The following ZFHX3 variants were observed in gnomAD, a reference collection of about 807,000 sequenced individuals.
ZFHX3 encodes zinc finger homeobox protein 3.
Under a neutral mutation model 279.1 loss-of-function variants are expected in ZFHX3, and 42 were observed. That is an observed-to-expected ratio of 0.15 (90% CI 0.12 to 0.19). ZFHX3 has a LOEUF of 0.19. ZFHX3 is among the 10% of genes least tolerant of loss of function. The probability of loss-of-function intolerance (pLI) is 1.00; values close to 1 mark genes in which losing one functional copy is unlikely to be tolerated. For synonymous variants in ZFHX3, 2,293 were observed against 1,957.8 expected (o/e 1.17, Z -4.52); for missense variants, 4,981 against 4,754.0 (o/e 1.05, Z -1.40).
At chr16:73,819,491 T>C (rs1324100737) in intron 1 of ZFHX3, among the ~76,000 whole-genome samples, 1 of 151,828 alleles carries the variant, frequency 6.6e-6, no homozygotes, top group Admixed American at 6.6e-5. Context: ...CACCAGAAAA[T>C]CTTCCTTGGC....
At chr16:73,750,193 C>T (rs2053749194) in intron 1 of ZFHX3, among the ~76,000 whole-genome samples, 1 of 152,156 alleles carries the variant, frequency 6.6e-6, no homozygotes, top group African/African-American at 2.4e-5. Context: ...TTGCAGAGTC[C>T]TTCCATAAAG....
intron 1 of ZFHX3, among the ~76,000 whole-genome samples, chr16:73,887,943 T>C (rs1322724288): frequency 1.3e-5 from 2 of 152,146 alleles, no homozygotes; most frequent in Non-Finnish European, 2.9e-5. Flanking sequence ...TCATCTTAGG[T>C]TGGACTATTT....
At chr16:73,792,751 G>A (rs1397921096) in intron 1 of ZFHX3, among the ~76,000 whole-genome samples, 3 of 152,138 alleles carry the variant, frequency 2.0e-5, no homozygotes, top group Non-Finnish European at 4.4e-5. Flanking sequence ...AAAGGCTGGC[G>A]GCTCAAGGGT....
At chr16:73,689,394 C>T (rs2053123772) in intron 1 of ZFHX3, among the ~76,000 whole-genome samples, 1 of 152,156 alleles carries the variant, frequency 6.6e-6, no homozygotes, top group South Asian at 2.1e-4. Flanking sequence ...TTGCATCATG[C>T]CTGAGCTATG....
chr16:73,572,779 A>G (rs537474566), intron 2 of ZFHX3, among the ~76,000 whole-genome samples: 3 of 152,152 alleles, frequency 2.0e-5, no homozygotes, highest in South Asian at 4.1e-4. Context: ...CAAAAATAAA[A>G]TCATCTCCCA....
At chr16:73,408,620 C>T (rs567718759) in intron 3 of ZFHX3, among the ~76,000 whole-genome samples, 13 of 152,238 alleles carry the variant, frequency 8.5e-5, no homozygotes, top group East Asian at 7.7e-4. Flanking sequence ...ACGAGCAGAG[C>T]GGGGCTTTGG....
At chr16:73,371,527 G>A (rs1208885872) in intron 3 of ZFHX3, among the ~76,000 whole-genome samples, 1 of 151,774 alleles carries the variant, frequency 6.6e-6, no homozygotes, top group Admixed American at 6.5e-5. Flanking sequence ...GGTAAGTTAA[G>A]TGAGTTTCCC....
chr16:73,784,814 TATAC>T (rs1458074562), intron 1 of ZFHX3, among the ~76,000 whole-genome samples: 3 of 108,340 alleles, frequency 2.8e-5, no homozygotes, highest in African/African-American at 8.8e-5. Flanking sequence ...TATATATATA[TATAC>T]ACACACACAC....
chr16:73,058,896 G>A (rs1260497177), exon 1 of ZFHX3: 1 of 168,846 alleles, frequency 5.9e-6, no homozygotes, highest in African/African-American at 2.4e-5. Flanking sequence ...AGCGGCTCTA[G>A]GCTGTAATTG....
At chr16:73,831,294 T>C (rs146928530) in intron 1 of ZFHX3, among the ~76,000 whole-genome samples, 1 of 152,224 alleles carries the variant, frequency 6.6e-6, no homozygotes, top group East Asian at 1.9e-4. Context: ...GGTACTAACG[T>C]CCGGAAGCAG....
chr16:73,342,928 A>G (rs1374208820), intron 3 of ZFHX3, among the ~76,000 whole-genome samples: 1 of 152,202 alleles, frequency 6.6e-6, no homozygotes. Context: ...TGACCTTCCA[A>G]CAGAGAGTTC....
At chr16:73,322,600 T>C (rs1165455623) in intron 3 of ZFHX3, among the ~76,000 whole-genome samples, 1 of 152,168 alleles carries the variant, frequency 6.6e-6, no homozygotes, top group Non-Finnish European at 1.5e-5. Flanking sequence ...GCTTGGGAAG[T>C]GTTTTTGTAG....
intron 1 of ZFHX3, among the ~76,000 whole-genome samples, chr16:72,977,800 G>C (rs1053061838): frequency 6.6e-6 from 1 of 152,176 alleles, no homozygotes; most frequent in African/African-American, 2.4e-5. Flanking sequence ...GTGGAGGGGA[G>C]AGATGGAATT....
chr16:73,139,992 G>T (rs1398917561), intron 6 of ZFHX3, among the ~76,000 whole-genome samples: 1 of 152,194 alleles, frequency 6.6e-6, no homozygotes, highest in Non-Finnish European at 1.5e-5. Flanking sequence ...ATGGAGCCAG[G>T]CATGGTGGCT....
intron 3 of ZFHX3, among the ~76,000 whole-genome samples, chr16:73,368,761 T>C (rs940714291): frequency 1.3e-5 from 2 of 152,236 alleles, no homozygotes; most frequent in African/African-American, 4.8e-5. Context: ...CCAATATTCA[T>C]TGAGTATCTA....
At chr16:73,514,043 T>C (rs2019479347) in intron 2 of ZFHX3, among the ~76,000 whole-genome samples, 1 of 152,008 alleles carries the variant, frequency 6.6e-6, no homozygotes, top group Non-Finnish European at 1.5e-5. Flanking sequence ...TGTGGGGAGA[T>C]CAAGACCTTC....
At chr16:73,751,525 T>A (rs200104697) in intron 1 of ZFHX3, among the ~76,000 whole-genome samples, 2 of 101,690 alleles carry the variant, frequency 2.0e-5, no homozygotes, top group East Asian at 1.0e-3. Flanking sequence ...GTATATGTGT[T>A]TATGTGTGTG....
At chr16:72,976,954 A>T (rs1962376306) in intron 1 of ZFHX3, among the ~76,000 whole-genome samples, 1 of 152,172 alleles carries the variant, frequency 6.6e-6, no homozygotes, top group Non-Finnish European at 1.5e-5. Flanking sequence ...CATCAAAGGC[A>T]TTTTAGGGAT....
rs959838125 is a variant in ZFHX3 at position 73,339,922 on chromosome 16, C to T, written c.-1290-21586G>A. ...GGCATTTATATGATTCAGCAGTGCTCGACAAACCCAGCAAATTACTTGTAA... is the reference window on the plus strand; with the variant it reads ...GGCATTTATATGATTCAGCAGTGCTTGACAAACCCAGCAAATTACTTGTAA... On this transcript the variant is annotated intron_variant, in intron 3 of 17. Coordinates refer to the ZFHX3 transcript ENST00000641206. Among the ~76,000 whole-genome samples the T allele has an allele frequency of 5.9e-5, 9 of 152,136 alleles. No individual in the cohort carries two copies. The South Asian group carries it at 6.2e-4, about 11-fold the overall frequency.
Sources: allele counts gnomAD v4.1 joint callset (sites outside exome capture counted in the v4.1 genomes callset), GRCh38; gene constraint gnomAD v4.1.1; transcripts MANE v1.5; gene names NCBI Gene and HGNC (gene_info 2026-07-23, HGNC 2026-07-21).